Variants in MRPL10 observed in about 807,000 individuals in gnomAD.
The protein encoded by MRPL10 is large ribosomal subunit protein uL10m.
MRPL10 carries 14 observed loss-of-function variants against 19.8 expected under a neutral mutation model. The observed-to-expected ratio is 0.71, with a 90% CI of 0.47 to 1.11. The LOEUF is 1.11. MRPL10 is among the 50% of genes least tolerant of loss of function. The probability of loss-of-function intolerance (pLI) is 0.00; values close to 1 mark genes in which losing one functional copy is unlikely to be tolerated. For missense variants in MRPL10, 318 were observed against 339.6 expected (o/e 0.94, Z 0.50); for synonymous variants, 129 against 139.2 (o/e 0.93, Z 0.52).
chr17:47,826,536 T>C (rs1349207018), intron 4 of MRPL10, 101 bp downstream of exon 4: 2 of 1,426,664 alleles, frequency 1.4e-6, no homozygotes, highest in Non-Finnish European at 9.7e-7. Context: ...CGTGAAAGGA[T>C]GCTCTCTCCA....
intron 1 of MRPL10, among the ~76,000 whole-genome samples, chr17:47,830,479 C>CA: frequency 6.6e-6 from 1 of 151,716 alleles, no homozygotes; most frequent in Non-Finnish European, 1.5e-5. Flanking sequence ...GTTAAGACTG[C>CA]AGGCAGGCTT....
At chr17:47,830,626 C>T (rs1183660877) in intron 1 of MRPL10, among the ~76,000 whole-genome samples, 1 of 152,142 alleles carries the variant, frequency 6.6e-6, no homozygotes, top group African/African-American at 2.4e-5. Context: ...ACGCCTCAGC[C>T]TCCTGAGTAG....
chr17:47,824,196 A>T lies in MRPL10; in HGVS notation c.*9T>A. On this transcript the variant is annotated 3_prime_UTR_variant, in exon 5 of 5. Transcript: ENST00000351111. ...TGTATTTATGCGCAGGGCTGGCTAA[A>T]CAGGCTGGCTACGAGTCCGGAACAG... is the stretch of plus-strand genomic sequence containing the variant. 6.2e-7 allele frequency: 1 copy of T among 1,614,154 alleles called. No individual in the cohort carries two copies. The highest frequency in any genetic ancestry group is 8.5e-7 in the Non-Finnish European group (1 of 1,180,022).
At chr17:47,831,298 T>C in intron 1 of MRPL10, 162 bp downstream of exon 1, 1 of 1,527,142 alleles carries the variant, frequency 6.5e-7, no homozygotes, top group South Asian at 1.2e-5. Flanking sequence ...CTGGACGTTG[T>C]TGCTGTGATT....
rs1388809692 is a variant in MRPL10, at chr17:47,825,324, C to T, written c.533-866G>A. Among the ~76,000 whole-genome samples, 4 of 151,030 alleles carry T rather than the reference C, an allele frequency of 2.6e-5. 1 individual carries two copies. The highest frequency in any genetic ancestry group is 2.6e-4 in the Admixed American group (4 of 15,192). On this transcript the variant is annotated intron_variant, in intron 4 of 4. Coordinates refer to ENST00000351111, the MANE Select transcript of MRPL10 (RefSeq NM_145255.4). ...AGCCTGGGCAACAACTGCGAAACTC[C>T]GTCTCAAAAAAACAAAGAATCAGGC...
intron 4 of MRPL10, among the ~76,000 whole-genome samples, chr17:47,826,188 C>A (rs11079796): frequency 0.29 from 43,223 of 149,754 alleles, 7,922 homozygotes; most frequent in East Asian, 0.63. Flanking sequence ...TGTCCCGCCC[C>A]CTCCCTACAG....
chr17:47,826,537 G>GCT, intron 4 of MRPL10, 100 bp downstream of exon 4: 1 of 1,427,254 alleles, frequency 7.0e-7, no homozygotes. Context: ...GTGAAAGGAT[G>GCT]CTCTCTCCAA....
At position 47,824,187 on chromosome 17, in the gene MRPL10, G is replaced by C; in HGVS notation, c.*18C>G. The C allele has an allele frequency of 4.3e-6, 7 of 1,614,024 alleles. No homozygotes were observed. The highest frequency in any genetic ancestry group is 5.9e-6 in the Non-Finnish European group (7 of 1,180,006). ...AACGCAGAGTGTATTTATGCGCAGG[G>C]CTGGCTAAACAGGCTGGCTACGAGT... is the stretch of plus-strand genomic sequence containing the variant. On this transcript the variant is annotated 3_prime_UTR_variant, in exon 5 of 5. Transcript: ENST00000351111.
Position 47,823,900 on chromosome 17 carries a change from G to A in MRPL10, c.*305C>T. 2.5e-6 allele frequency: 1 copy of A among 397,056 alleles called. No individual in the cohort carries two copies. Among genetic ancestry groups the A allele is most frequent in the Non-Finnish European group, 4.7e-6 (1 of 214,842 alleles). 24.6% of individuals were successfully genotyped at this position (397,056 alleles called of 1,614,324 possible). A position where few individuals can be genotyped will look rare whatever the true frequency, so the allele number is the denominator to read the frequency against. On this transcript the variant is annotated 3_prime_UTR_variant, in exon 5 of 5. Coordinates refer to ENST00000351111, the MANE Select transcript of MRPL10 (RefSeq NM_145255.4). ...TCAGGAGCCCGTGCAGCAAGAGGCA[G>A]TGACCAAGGAGGCAGGGGACAATAG...
chr17:47,825,722 T>C (rs1475000675), intron 4 of MRPL10, among the ~76,000 whole-genome samples: 1 of 152,194 alleles, frequency 6.6e-6, no homozygotes, highest in African/African-American at 2.4e-5. Context: ...GTGGTGATGT[T>C]GCATAGCATT....
At chr17:47,824,528 C>G in intron 4 of MRPL10, 70 bp from the exon 5 acceptor site, 2 of 1,489,346 alleles carry the variant, frequency 1.3e-6, no homozygotes, top group South Asian at 2.7e-5. Flanking sequence ...TATTCTGACC[C>G]TAGTAACTTG....
At chr17:47,826,018 G>T (rs2033526594) in intron 4 of MRPL10, among the ~76,000 whole-genome samples, 1 of 151,666 alleles carries the variant, frequency 6.6e-6, no homozygotes, top group Non-Finnish European at 1.5e-5. Context: ...GTGGTGGCAG[G>T]TGCCTGTAAT....
At position 47,825,935 on chromosome 17, in the gene MRPL10, T is replaced by C. The variant is rs547236094; in HGVS notation, c.532+702A>G. ...TGGCGGATCACCTGAGGTCAGGAGT[T>C]CAAGACCAGCCTGGCCAACACGGTG... On this transcript the variant is annotated intron_variant, in intron 4 of 4. Coordinates refer to ENST00000351111, the MANE Select transcript of MRPL10 (RefSeq NM_145255.4). Among the ~76,000 whole-genome samples the C allele has an allele frequency of 8.9e-4, 135 of 151,436 alleles. 1 individual carries two copies. In the South Asian group the frequency reaches 0.027, roughly 30 times the overall value.
At chr17:47,829,091 C>G (rs2033582414) in intron 1 of MRPL10, 1 of 154,736 alleles carries the variant, frequency 6.5e-6, no homozygotes, top group African/African-American at 2.4e-5. Context: ...CAGTGAAACC[C>G]CATCTCTACT....
chr17:47,831,041 C>A (rs1357552851), intron 1 of MRPL10, among the ~76,000 whole-genome samples: 3 of 152,230 alleles, frequency 2.0e-5, no homozygotes, highest in Non-Finnish European at 4.4e-5. Flanking sequence ...ATATCTACCG[C>A]ACGCTTACTA....
At chr17:47,825,335 A>C (rs2033514752) in intron 4 of MRPL10, among the ~76,000 whole-genome samples, 1 of 152,078 alleles carries the variant, frequency 6.6e-6, no homozygotes, top group Non-Finnish European at 1.5e-5. Flanking sequence ...GTCTCAAAAA[A>C]ACAAAGAATC....
chr17:47,828,624 A>G lies in MRPL10; in HGVS notation c.99T>C (p.Val33=), dbSNP rs1430572208. 6.6e-7 allele frequency: 1 copy of G among 1,526,290 alleles called. No individual in the cohort carries two copies. The highest frequency in any genetic ancestry group is 2.4e-5 in the Admixed American group (1 of 41,360). 94.5% of individuals were successfully genotyped at this position (1,526,290 alleles called of 1,614,324 possible). Residue 33 remains valine, a synonymous_variant, in exon 2 of 5, where the codon GTT becomes GTC. Coordinates refer to ENST00000351111, the MANE Select transcript of MRPL10 (RefSeq NM_145255.4). ...LQTVRYGSKA[V]TRHRRVMHFQ... ...AGTGCATCACACGACGGTGGCGGGTAACAGCCTTGGAGCCATAGCGGACAG... is the reference window on the plus strand; with the variant it reads ...AGTGCATCACACGACGGTGGCGGGTGACAGCCTTGGAGCCATAGCGGACAG...
chr17:47,826,425 G>C (rs1324554223), intron 4 of MRPL10, among the ~76,000 whole-genome samples: 2 of 152,110 alleles, frequency 1.3e-5, no homozygotes, highest in Non-Finnish European at 2.9e-5. Flanking sequence ...GCCTTTCCTA[G>C]TCTTCCCTCC....
intron 4 of MRPL10, 53 bp from the exon 5 acceptor site, chr17:47,824,511 A>G: frequency 6.7e-7 from 1 of 1,500,548 alleles, no homozygotes; most frequent in South Asian, 1.3e-5. Flanking sequence ...TTCTTCTCTG[A>G]AAACAATATT....
Sources: gnomAD v4.1 joint callset for allele counts (sites outside exome capture counted in the v4.1 genomes callset) on GRCh38, gnomAD v4.1.1 for gene constraint, MANE v1.5 for transcripts, NCBI Gene and HGNC (gene_info 2026-07-23, HGNC 2026-07-21) for gene names.